HIVEP3: variants seen among roughly 807,000 people sequenced by gnomAD.
HIVEP3 encodes transcription factor HIVEP3.
HIVEP3 carries 49 observed loss-of-function variants against 152.8 expected under a neutral mutation model. The ratio of observed to expected loss-of-function variants is 0.32; its 90% confidence interval spans 0.26 to 0.41. The LOEUF (loss-of-function observed/expected upper bound fraction) is 0.41, where lower values mean the gene tolerates loss of function less well. Ranked by LOEUF, HIVEP3 falls within the 10% of genes least tolerant of loss-of-function variation. The pLI is 1.00. For missense variants in HIVEP3, 2,790 were observed against 3,103.3 expected (o/e 0.90, Z 2.40); for synonymous variants, 1,269 against 1,289.0 (o/e 0.98, Z 0.33).
intron 1 of HIVEP3, among the ~76,000 whole-genome samples, chr1:41,818,418 G>A (rs1209858325): frequency 6.6e-6 from 1 of 152,120 alleles, no homozygotes; most frequent in Non-Finnish European, 1.5e-5. Flanking sequence ...TTTCTTCTTT[G>A]TGACCCAGAA....
intron 1 of HIVEP3, among the ~76,000 whole-genome samples, chr1:41,850,246 A>G (rs1160828817): frequency 6.6e-6 from 1 of 152,198 alleles, no homozygotes. Flanking sequence ...CACCTGTCTT[A>G]TATCAAAGGA....
rs529967514 is a variant in HIVEP3, at chr1:41,533,022, G to A, written c.5208-8112C>T. Among the ~76,000 whole-genome samples the A allele has an allele frequency of 6.6e-6, 1 of 152,268 alleles. No homozygotes were observed. The highest frequency in any genetic ancestry group is 1.9e-4 in the East Asian group (1 of 5,174). ...AACTGTGGCTTAGCCAAGAGGAGAG[G>A]GTTTAGAGGAGGAGGGGCCCATGGC... On this transcript the variant is annotated intron_variant, in intron 5 of 8. Coordinates refer to ENST00000372583, the MANE Select transcript of HIVEP3 (RefSeq NM_024503.5). This position sits in a 1 kb window ranked among gnomAD's most constrained non-coding sequence, Gnocchi z 4.3.
At chr1:42,009,217 G>A (rs551755680) in intron 1 of HIVEP3, among the ~76,000 whole-genome samples, 1 of 152,210 alleles carries the variant, frequency 6.6e-6, no homozygotes, top group East Asian at 1.9e-4. Context: ...ATTGTCTACT[G>A]GTATCTATTG....
At position 41,873,872 on chromosome 1, in the gene HIVEP3, T is replaced by C. The variant is rs978652801; in HGVS notation, c.-801+44541A>G. The stretch of plus-strand genomic sequence containing the variant: ...AATAAGGAACCCCTCTCCCAGAAGG[T>C]GGAGAAGCTTCTCAAAGCAACTGGC... On this transcript the variant is annotated intron_variant, in intron 1 of 8. Coordinates refer to ENST00000372583, the MANE Select transcript of HIVEP3 (RefSeq NM_024503.5). The surrounding 1 kb of genome is among the most constrained non-coding windows in gnomAD (Gnocchi z 4.2). 1.3e-5 allele frequency among the ~76,000 whole-genome samples: 2 copies of C among 152,174 alleles called. No individual in the cohort carries two copies. Among genetic ancestry groups the C allele is most frequent in the African/African-American group, 2.4e-5 (1 of 41,446 alleles).
intron 2 of HIVEP3, among the ~76,000 whole-genome samples, chr1:41,676,138 G>A (rs1375370336): frequency 6.6e-6 from 1 of 151,632 alleles, no homozygotes; most frequent in Non-Finnish European, 1.5e-5. Context: ...TGCAACCTCC[G>A]CCTCCCAGGC....
chr1:41,874,593 CCT>C (rs1402101209), intron 1 of HIVEP3, among the ~76,000 whole-genome samples: 1 of 152,168 alleles, frequency 6.6e-6, no homozygotes, highest in Non-Finnish European at 1.5e-5. Context: ...CTCACCGTGG[CCT>C]CTCTGTTTCA....
intron 1 of HIVEP3, among the ~76,000 whole-genome samples, chr1:41,857,685 C>G (rs1055048733): frequency 6.6e-6 from 1 of 152,122 alleles, no homozygotes; most frequent in Non-Finnish European, 1.5e-5. Context: ...AGGTATGCAT[C>G]CTCATGCCCA....
chr1:41,528,779 C>A (rs1451936296), intron 5 of HIVEP3, among the ~76,000 whole-genome samples: 4 of 137,764 alleles, frequency 2.9e-5, no homozygotes, highest in Non-Finnish European at 6.3e-5. Flanking sequence ...TCACACACTC[C>A]ACACCCCCAC....
At chr1:41,875,873 G>A (rs1216356684) in intron 1 of HIVEP3, among the ~76,000 whole-genome samples, 1 of 152,140 alleles carries the variant, frequency 6.6e-6, no homozygotes, top group Non-Finnish European at 1.5e-5. Flanking sequence ...TAACAAATTT[G>A]TAATTATGTG....
At chr1:41,554,991 C>G (rs781067216) in intron 5 of HIVEP3, among the ~76,000 whole-genome samples, 1 of 152,220 alleles carries the variant, frequency 6.6e-6, no homozygotes, top group Non-Finnish European at 1.5e-5. Context: ...TCTCGGAGCT[C>G]AAACACCATG....
chr1:41,819,260 C>T (rs1642514240), intron 1 of HIVEP3, among the ~76,000 whole-genome samples: 2 of 152,092 alleles, frequency 1.3e-5, no homozygotes, highest in Admixed American at 1.3e-4. Context: ...CCAGCACTCT[C>T]CAGTGCTTTG....
intron 4 of HIVEP3, among the ~76,000 whole-genome samples, chr1:41,577,273 C>T (rs1488268582): frequency 1.3e-5 from 2 of 152,198 alleles, no homozygotes; most frequent in African/African-American, 4.8e-5. Flanking sequence ...TCTAAGCACA[C>T]TCCGCATGTC....
At chr1:41,530,463 G>A (rs941495023) in intron 5 of HIVEP3, among the ~76,000 whole-genome samples, 7 of 152,194 alleles carry the variant, frequency 4.6e-5, no homozygotes, top group Non-Finnish European at 8.8e-5. Flanking sequence ...GGACCTGGTG[G>A]CCAGGGAAGA....
chr1:41,644,813 A>T (rs1645434907), intron 2 of HIVEP3, among the ~76,000 whole-genome samples: 1 of 150,838 alleles, frequency 6.6e-6, no homozygotes, highest in Non-Finnish European at 1.5e-5. Flanking sequence ...CCCAGCAAGC[A>T]AGAGGGAGAA....
chr1:41,678,149 C>T lies in HIVEP3; in HGVS notation c.-721+22767G>A, dbSNP rs142378851. On this transcript the variant is annotated intron_variant, in intron 2 of 8. Coordinates refer to ENST00000372583, the MANE Select transcript of HIVEP3 (RefSeq NM_024503.5). ...TTTCCATCGAGTGTGGTTTGCAAGG[C>T]GATTCTCCTCTGTTGTTTACTCTCG... is the stretch of plus-strand genomic sequence containing the variant. Among the ~76,000 whole-genome samples the T allele has an allele frequency of 3.3e-5, 5 of 152,290 alleles. No homozygotes were observed. In the East Asian group the frequency reaches 7.7e-4, roughly 23 times the overall value.
chr1:41,925,059 A>C (rs925086129), intron 1 of HIVEP3, among the ~76,000 whole-genome samples: 3 of 152,250 alleles, frequency 2.0e-5, no homozygotes, highest in Admixed American at 2.0e-4. Flanking sequence ...AGAGGTCTGC[A>C]AACTACAGCC....
At chr1:41,529,495 AC>A (rs1643168047) in intron 5 of HIVEP3, among the ~76,000 whole-genome samples, 2 of 43,256 alleles carry the variant, frequency 4.6e-5, no homozygotes, top group African/African-American at 1.4e-4. Context: ...CACATACTCC[AC>A]ACCCCATCCT....
At chr1:41,610,077 A>G (rs1294123635) in intron 3 of HIVEP3, among the ~76,000 whole-genome samples, 1 of 152,096 alleles carries the variant, frequency 6.6e-6, no homozygotes, top group African/African-American at 2.4e-5. Flanking sequence ...TCCTTCCTGG[A>G]TCTCCAGCCT....
chr1:41,968,531 A>G (rs913682101), intron 1 of HIVEP3, among the ~76,000 whole-genome samples: 2 of 152,212 alleles, frequency 1.3e-5, no homozygotes, highest in African/African-American at 4.8e-5. Context: ...AAAATTCTCA[A>G]TAAACTAGGC....
Sources: allele counts gnomAD v4.1 joint callset (sites outside exome capture counted in the v4.1 genomes callset), GRCh38; gene constraint gnomAD v4.1.1; non-coding constraint Gnocchi (gnomAD v3.1); transcripts MANE v1.5; gene names NCBI Gene and HGNC (gene_info 2026-07-23, HGNC 2026-07-21).